NFAT5: variants seen among roughly 807,000 people sequenced by gnomAD.
The protein encoded by NFAT5 is nuclear factor of activated T-cells 5.
In NFAT5, 31 loss-of-function variants were observed where a neutral mutation model predicts 166.5. That is an observed-to-expected ratio of 0.19 (90% CI 0.14 to 0.25). The LOEUF is 0.25. Among genes scored for constraint, NFAT5 ranks in the 10% least tolerant of loss-of-function variants. The pLI, the probability that NFAT5 is intolerant of heterozygous loss-of-function variation, is 1.00. For synonymous variants in NFAT5, 612 were observed against 639.7 expected (o/e 0.96, Z 0.65); for missense variants, 1,449 against 1,821.8 (o/e 0.80, Z 3.72).
At position 69,624,906 on chromosome 16, in the gene NFAT5, A is replaced by T. The variant is rs1348280091; in HGVS notation, c.128-1497A>T. Among the ~76,000 whole-genome samples, 103 of 145,566 alleles carry T rather than the reference A, an allele frequency of 7.1e-4. 1 individual carries two copies. The highest frequency in any genetic ancestry group is 1.6e-3 in the Admixed American group (23 of 14,360). ...TGCCTCTAATTGTTCTTTTTTTTAAAAAAAAAAAAAAAGAAGGAGTTTCGC... is the reference window on the plus strand; with the variant it reads ...TGCCTCTAATTGTTCTTTTTTTTAATAAAAAAAAAAAAGAAGGAGTTTCGC... On this transcript the variant is annotated intron_variant, in intron 2 of 14. Coordinates refer to ENST00000349945, the MANE Select transcript of NFAT5 (RefSeq NM_138713.4).
intron 2 of NFAT5, 80 bp from the exon 3 acceptor site, chr16:69,626,323 C>CA: frequency 7.8e-7 from 1 of 1,274,954 alleles, no homozygotes; most frequent in Middle Eastern, 2.0e-4. Flanking sequence ...AGAGAAAAGA[C>CA]ATACTCATTT....
At chr16:69,633,972 AT>A (rs1233885328) in intron 3 of NFAT5, among the ~76,000 whole-genome samples, 2 of 152,132 alleles carry the variant, frequency 1.3e-5, no homozygotes, top group African/African-American at 4.8e-5. Flanking sequence ...AATTAAAAAA[AT>A]AAAATTAAAA....
intron 2 of NFAT5, among the ~76,000 whole-genome samples, chr16:69,616,104 T>G (rs1201699591): frequency 6.6e-6 from 1 of 152,040 alleles, no homozygotes; most frequent in African/African-American, 2.4e-5. Context: ...CAACACCCCA[T>G]GCCAGGCTGC....
chr16:69,566,517 A>T lies in NFAT5; in HGVS notation c.73+143A>T. On this transcript the variant is annotated intron_variant, in intron 1 of 14. Transcript: ENST00000349945. The surrounding 1 kb of genome is among the most constrained non-coding windows in gnomAD (Gnocchi z 5.7). ...TGGCTTCTTTGGCCGGAGCGGGCAGAGGCCGAAGGGATCGGGGTGACGGTG... is the reference window on the plus strand; with the variant it reads ...TGGCTTCTTTGGCCGGAGCGGGCAGTGGCCGAAGGGATCGGGGTGACGGTG... The T allele has an allele frequency of 1.4e-6, 1 of 735,554 alleles. No homozygotes were observed. The highest frequency in any genetic ancestry group is 2.3e-6 in the Non-Finnish European group (1 of 427,760). 45.6% of individuals were successfully genotyped at this position (735,554 alleles called of 1,614,324 possible).
In NFAT5 at chr16:69,602,780, T is replaced by G. The variant is rs573306380; in HGVS notation, c.128-23623T>G. Among the ~76,000 whole-genome samples the G allele has an allele frequency of 5.0e-4, 69 of 138,720 alleles. No individual in the cohort carries two copies. In the South Asian group the frequency reaches 8.6e-3, roughly 17 times the overall value. 91.0% of individuals were successfully genotyped at this position (138,720 alleles called of 152,430 possible). ...ACACCATGCTCAGCTAATTTTTTTG[T>G]TTTTTTTTTTGGTAGAGATAAGGTT... On this transcript the variant is annotated intron_variant, in intron 2 of 14. Coordinates refer to ENST00000349945, the MANE Select transcript of NFAT5 (RefSeq NM_138713.4).
At chr16:69,646,914 A>T in intron 3 of NFAT5, 114 bp from the exon 4 acceptor site, 1 of 884,076 alleles carries the variant, frequency 1.1e-6, no homozygotes, top group Non-Finnish European at 1.7e-6. Flanking sequence ...CCAAATTCTG[A>T]CTATTCATTT....
At chr16:69,661,569 G>GAAAAAAAAAAAAAAAAAAAAAAAA in intron 7 of NFAT5, among the ~76,000 whole-genome samples, 1 of 92,054 alleles carries the variant, frequency 1.1e-5, no homozygotes, top group African/African-American at 4.2e-5. Flanking sequence ...AAAAAAAAAG[G>GAAAAAAAAAAAAAAAAAAAAAAAA]AAATTGTTCA....
intron 10 of NFAT5, among the ~76,000 whole-genome samples, chr16:69,682,434 C>G (rs570349064): frequency 2.0e-5 from 2 of 100,518 alleles, no homozygotes; most frequent in African/African-American, 7.9e-5. Context: ...ATAGTGAGAC[C>G]CCCCCCCCCG....
intron 3 of NFAT5, among the ~76,000 whole-genome samples, chr16:69,628,103 T>C (rs9927809): frequency 0.16 from 24,453 of 151,758 alleles, 2,153 homozygotes; most frequent in East Asian, 0.36. Context: ...GCTGAAAAAA[T>C]TGTTAGGTTT....
Position 69,702,515 on chromosome 16 carries a change from A to G in NFAT5, c.*6164A>G, listed in dbSNP as rs537264694. ...ATATATCTTTTTCTACATATGTAGT[A>G]TGTGCAACCAGTGGTTCTCAGAGTA... On this transcript the variant is annotated 3_prime_UTR_variant, in exon 15 of 15. Transcript: ENST00000349945. 5 of 152,334 alleles carry G rather than the reference A, an allele frequency of 3.3e-5. No homozygotes were observed. Among genetic ancestry groups the G allele is most frequent in the African/African-American group, 1.2e-4 (5 of 41,588 alleles). 9.4% of individuals were successfully genotyped at this position (152,334 alleles called of 1,614,324 possible).
chr16:69,625,149 C>T (rs1204618576), intron 2 of NFAT5, among the ~76,000 whole-genome samples: 1 of 151,952 alleles, frequency 6.6e-6, no homozygotes, highest in Non-Finnish European at 1.5e-5. Flanking sequence ...TGATCCACCC[C>T]CTTCAGTCTC....
In NFAT5 at chr16:69,615,085, A is replaced by G. The variant is rs1490524667; in HGVS notation, c.128-11318A>G. Among the ~76,000 whole-genome samples the G allele has an allele frequency of 5.4e-5, 8 of 149,412 alleles. No individual in the cohort carries two copies. In the Admixed American group the frequency reaches 5.4e-4, roughly 10 times the overall value. ...TTGAGATGGAGTCTCACTGTTGCTC[A>G]GGCTGGAGTGCAGTGGCGCGACCTC... On this transcript the variant is annotated intron_variant, in intron 2 of 14. Coordinates refer to ENST00000349945, the MANE Select transcript of NFAT5 (RefSeq NM_138713.4).
rs1397759865 is a variant in NFAT5, at chr16:69,702,329, T to A, written c.*5978T>A. 6.6e-6 allele frequency: 1 copy of A among 152,626 alleles called. No individual in the cohort carries two copies. Among genetic ancestry groups the A allele is most frequent in the Non-Finnish European group, 1.5e-5 (1 of 68,038 alleles). The allele number at this position is 152,626 out of a possible 1,614,324, so 9.5% of individuals were successfully genotyped here. A position where few individuals can be genotyped will look rare whatever the true frequency, so the allele number is the denominator to read the frequency against. The stretch of plus-strand genomic sequence containing the variant: ...AAAATGACTATATAGGACTTAAGAC[T>A]TTGAAATGTAATTTACTTATAAGGG... On this transcript the variant is annotated 3_prime_UTR_variant, in exon 15 of 15. Transcript: ENST00000349945.
intron 3 of NFAT5, among the ~76,000 whole-genome samples, chr16:69,627,323 CATATATAT>C (rs10524659): frequency 3.2e-4 from 41 of 128,832 alleles, no homozygotes; most frequent in Non-Finnish European, 4.1e-4. Flanking sequence ...AAAAAGGAAA[CATATATAT>C]ATATATATAT....
intron 2 of NFAT5, among the ~76,000 whole-genome samples, chr16:69,614,718 T>TA (rs1476588009): frequency 6.6e-6 from 1 of 152,186 alleles, no homozygotes; most frequent in African/African-American, 2.4e-5. Context: ...ACCTTGTCCT[T>TA]AGATCCTATT....
At chr16:69,695,082 T>C (rs1161556634) in intron 13 of NFAT5, 54 bp from the exon 14 acceptor site, 2 of 1,261,834 alleles carry the variant, frequency 1.6e-6, no homozygotes, top group African/African-American at 1.5e-5. Context: ...CTATTTTTAA[T>C]GTTTCTGCAG....
At chr16:69,657,691 G>A (rs1026886308) in intron 6 of NFAT5, among the ~76,000 whole-genome samples, 8 of 146,202 alleles carry the variant, frequency 5.5e-5, no homozygotes, top group African/African-American at 2.0e-4. Flanking sequence ...GCCGGGAGGT[G>A]GAGGTTGCAG....
chr16:69,655,598 T>G lies in NFAT5; in HGVS notation c.1006-11T>G, dbSNP rs779797212. On this transcript the variant is annotated splice_polypyrimidine_tract_variant and intron_variant, in intron 5 of 14. Coordinates refer to ENST00000349945, the MANE Select transcript of NFAT5 (RefSeq NM_138713.4). ...TAATTAGTGTTTCTGTTGCATGTTT[T>G]CTGGTTTCAGCTGGAAGGCCATAAT... 6.5e-7 allele frequency: 1 copy of G among 1,546,984 alleles called. No individual in the cohort carries two copies. The highest frequency in any genetic ancestry group is 8.7e-7 in the Non-Finnish European group (1 of 1,144,412).
At chr16:69,583,580 A>G (rs1171109973) in intron 2 of NFAT5, among the ~76,000 whole-genome samples, 2 of 152,176 alleles carry the variant, frequency 1.3e-5, no homozygotes, top group African/African-American at 4.8e-5. Flanking sequence ...ATATGATAAA[A>G]TCTGTAAAAT....
Sources: allele counts gnomAD v4.1 joint callset (sites outside exome capture counted in the v4.1 genomes callset), GRCh38; gene constraint gnomAD v4.1.1; non-coding constraint Gnocchi (gnomAD v3.1); transcripts MANE v1.5; gene names NCBI Gene and HGNC (gene_info 2026-07-23, HGNC 2026-07-21).